Variants in TXNDC16 observed in about 807,000 individuals in gnomAD.
The protein encoded by TXNDC16 is thioredoxin domain containing 16.
Under a neutral mutation model 85.6 loss-of-function variants are expected in TXNDC16, and 74 were observed. The ratio of observed to expected loss-of-function variants is 0.86; its 90% confidence interval spans 0.72 to 1.05. TXNDC16 has a LOEUF of 1.05. Ranked by LOEUF, TXNDC16 falls within the 50% of genes least tolerant of loss-of-function variation. The pLI is 0.00. For missense variants in TXNDC16, 959 were observed against 947.0 expected (o/e 1.01, Z -0.17); for synonymous variants, 335 against 326.5 (o/e 1.03, Z -0.28).
At chr14:52,443,608 T>C (rs1319008888) in intron 18 of TXNDC16, among the ~76,000 whole-genome samples, 4 of 152,150 alleles carry the variant, frequency 2.6e-5, no homozygotes, top group Non-Finnish European at 2.9e-5. Context: ...GCATACATAA[T>C]ATTTTGGAAT....
At chr14:52,517,967 C>T (rs2037123822) in intron 7 of TXNDC16, among the ~76,000 whole-genome samples, 1 of 152,176 alleles carries the variant, frequency 6.6e-6, no homozygotes, top group African/African-American at 2.4e-5. Context: ...GTCAAGGTCA[C>T]CAGTAACTTC....
intron 6 of TXNDC16, among the ~76,000 whole-genome samples, chr14:52,525,507 T>C (rs1425353139): frequency 7.1e-6 from 1 of 141,096 alleles, no homozygotes; most frequent in Non-Finnish European, 1.6e-5. Flanking sequence ...CTAACCAACA[T>C]GGTAAAACCC....
chr14:52,524,173 A>G (rs2037273751), intron 6 of TXNDC16, among the ~76,000 whole-genome samples: 1 of 152,262 alleles, frequency 6.6e-6, no homozygotes, highest in African/African-American at 2.4e-5. Flanking sequence ...AGAGGAGGAC[A>G]GCTGTAAAAG....
At chr14:52,436,179 A>C (rs1478150786) in intron 20 of TXNDC16, among the ~76,000 whole-genome samples, 2 of 152,222 alleles carry the variant, frequency 1.3e-5, no homozygotes, top group Non-Finnish European at 2.9e-5. Flanking sequence ...CCAACTGTCC[A>C]TCAACTAAGG....
intron 6 of TXNDC16, among the ~76,000 whole-genome samples, chr14:52,519,646 T>A (rs1414179338): frequency 6.6e-6 from 1 of 152,206 alleles, no homozygotes; most frequent in Non-Finnish European, 1.5e-5. Context: ...GCAGGCTTCT[T>A]TGCATGGCCT....
intron 14 of TXNDC16, among the ~76,000 whole-genome samples, chr14:52,475,332 G>A (rs903972861): frequency 9.2e-5 from 14 of 152,144 alleles, no homozygotes; most frequent in African/African-American, 2.9e-4. Flanking sequence ...AGAACTCGGG[G>A]GAGGGCATGA....
chr14:52,446,535 C>A (rs774911848), intron 18 of TXNDC16, among the ~76,000 whole-genome samples: 4 of 152,090 alleles, frequency 2.6e-5, no homozygotes, highest in Admixed American at 1.3e-4. Flanking sequence ...TAGGGCTGAA[C>A]TGGGCTCAGA....
At chr14:52,508,946 C>A (rs1424509747) in intron 9 of TXNDC16, among the ~76,000 whole-genome samples, 3 of 152,046 alleles carry the variant, frequency 2.0e-5, no homozygotes, top group Non-Finnish European at 4.4e-5. Flanking sequence ...AGGAGATATA[C>A]CTAATGTTAA....
At chr14:52,525,739 AAT>A (rs1316937320) in intron 6 of TXNDC16, among the ~76,000 whole-genome samples, 2 of 139,776 alleles carry the variant, frequency 1.4e-5, no homozygotes, top group African/African-American at 2.7e-5. Context: ...TAATAATAAT[AAT>A]AATAAATAAA....
chr14:52,480,997 AT>A (rs1253231679), intron 14 of TXNDC16, among the ~76,000 whole-genome samples: 2 of 137,318 alleles, frequency 1.5e-5, no homozygotes, highest in East Asian at 2.4e-4. Context: ...ATATATATAT[AT>A]ATAATGGAAT....
chr14:52,459,221 A>G (rs578036125), intron 16 of TXNDC16, among the ~76,000 whole-genome samples: 2 of 152,304 alleles, frequency 1.3e-5, no homozygotes, highest in South Asian at 4.1e-4. Flanking sequence ...ACATACATAC[A>G]TCTGTTTTTT....
rs1566578214 is a variant in TXNDC16, at chr14:52,525,736, AATAATAAT to A, written c.393-6451_393-6444del. On this transcript the variant is annotated intron_variant, in intron 6 of 20. Transcript: ENST00000281741. ...TAATAATAATAATAATAATAATAAT[AATAATAAT>A]AAATAAAAATTTGTTGTTACTTTCC... 1.7e-3 allele frequency among the ~76,000 whole-genome samples: 224 copies of A among 134,542 alleles called. 1 individual carries two copies. Among genetic ancestry groups the A allele is most frequent in the South Asian group, 5.8e-3 (26 of 4,456 alleles). 88.3% of individuals were successfully genotyped at this position (134,542 alleles called of 152,430 possible).
intron 14 of TXNDC16, among the ~76,000 whole-genome samples, chr14:52,480,965 A>ATATATATATATG: frequency 2.8e-5 from 3 of 107,008 alleles, no homozygotes; most frequent in Middle Eastern, 4.5e-3. Flanking sequence ...GTGTGTGTAT[A>ATATATATATATG]TATATATATG....
intron 7 of TXNDC16, among the ~76,000 whole-genome samples, chr14:52,517,563 T>C (rs570616608): frequency 6.6e-6 from 1 of 152,260 alleles, no homozygotes; most frequent in South Asian, 2.1e-4. Flanking sequence ...CCCACCCACT[T>C]GGCTGAATGG....
intron 18 of TXNDC16, among the ~76,000 whole-genome samples, chr14:52,454,691 C>T (rs1012113334): frequency 6.7e-6 from 1 of 149,178 alleles, no homozygotes; most frequent in Non-Finnish European, 1.5e-5. Flanking sequence ...TAGTGAGCGC[C>T]TGTAATCCCA....
intron 14 of TXNDC16, among the ~76,000 whole-genome samples, chr14:52,472,891 G>A (rs2035940737): frequency 2.0e-5 from 3 of 152,154 alleles, no homozygotes; most frequent in Admixed American, 2.0e-4. Flanking sequence ...CGTACCGGCA[G>A]GAACTAAGGA....
intron 8 of TXNDC16, among the ~76,000 whole-genome samples, chr14:52,513,664 G>A (rs200751765): frequency 7.4e-5 from 11 of 147,966 alleles, no homozygotes; most frequent in African/African-American, 1.7e-4. Context: ...GTGTGTGTGT[G>A]TATATACATA....
At chr14:52,520,982 T>A (rs2037195777) in intron 6 of TXNDC16, among the ~76,000 whole-genome samples, 1 of 152,080 alleles carries the variant, frequency 6.6e-6, no homozygotes, top group Non-Finnish European at 1.5e-5. Context: ...AAATAGGAAT[T>A]AAAATAGGAA....
chr14:52,493,216 T>TATATATATATATATATACACACACAC lies in TXNDC16; in HGVS notation c.757-2212_757-2211insGTGTGTGTGTATATATATATATATAT. ...TTCTATATATATATATATATATATA[T>TATATATATATATATATACACACACAC]ACACACACACACACACACATATTTA... is the stretch of plus-strand genomic sequence containing the variant. On this transcript the variant is annotated intron_variant, in intron 9 of 20. Coordinates refer to ENST00000281741, the MANE Select transcript of TXNDC16 (RefSeq NM_020784.3). 3.8e-3 allele frequency among the ~76,000 whole-genome samples: 442 copies of TATATATATATATATATACACACACAC among 115,694 alleles called. 4 individuals carry two copies. Among genetic ancestry groups the TATATATATATATATATACACACACAC allele is most frequent in the African/African-American group, 0.015 (424 of 28,022 alleles). The allele number at this position is 115,694 out of a possible 152,430, so 75.9% of individuals were successfully genotyped here. A position where few individuals can be genotyped will look rare whatever the true frequency, so the allele number is the denominator to read the frequency against.
Sources: allele counts gnomAD v4.1 joint callset (sites outside exome capture counted in the v4.1 genomes callset), GRCh38; gene constraint gnomAD v4.1.1; transcripts MANE v1.5; gene names NCBI Gene and HGNC (gene_info 2026-07-23, HGNC 2026-07-21).